ABLIM2: variants seen among roughly 807,000 people sequenced by gnomAD.
The protein encoded by ABLIM2 is actin-binding LIM protein 2.
In ABLIM2, 53 loss-of-function variants were observed where a neutral mutation model predicts 97.7. That is an observed-to-expected ratio of 0.54 (90% CI 0.44 to 0.68). ABLIM2 has a LOEUF of 0.68. ABLIM2 is among the 30% of genes least tolerant of loss of function. ABLIM2 has a pLI of 0.00. For missense variants in ABLIM2, 835 were observed against 867.2 expected (o/e 0.96, Z 0.47); for synonymous variants, 361 against 345.8 (o/e 1.04, Z -0.49).
intron 1 of ABLIM2, among the ~76,000 whole-genome samples, chr4:8,153,058 G>C (rs1713623941): frequency 6.6e-6 from 1 of 152,268 alleles, no homozygotes; most frequent in Admixed American, 6.5e-5. Flanking sequence ...GGGGTTGGTT[G>C]ATGGCATCAG....
At chr4:8,110,980 G>A (rs561106388) in intron 1 of ABLIM2, among the ~76,000 whole-genome samples, 7 of 152,354 alleles carry the variant, frequency 4.6e-5, no homozygotes, top group African/African-American at 1.4e-4. Flanking sequence ...TTGTGAGGAC[G>A]GCTAGGGGGG....
rs1297201892 is a variant in ABLIM2 at position 8,036,286 on chromosome 4, C to G, written c.910G>C (p.Gly304Arg). ...SPSRVIYAKL[G>R]GEILDYRDLA... ...TCCCTGTAGTCCAGGATCTCACCAC[C>G]AAGCTTGGCCTGAGAGGGGAAAGAG... Residue 304 changes from glycine (G) to arginine (R), a missense_variant, in exon 10 of 21, where the codon GGT becomes CGT. By Grantham distance (125) the Gly-to-Arg change is moderately radical. Transcript: ENST00000447017. 5.6e-6 allele frequency: 9 copies of G among 1,613,606 alleles called. No homozygotes were observed. Among genetic ancestry groups the G allele is most frequent in the Non-Finnish European group, 3.4e-6 (4 of 1,179,726 alleles).
intron 9 of ABLIM2, among the ~76,000 whole-genome samples, chr4:8,041,159 G>C (rs1466723834): frequency 2.6e-5 from 4 of 152,252 alleles, no homozygotes; most frequent in Non-Finnish European, 4.4e-5. Flanking sequence ...CCTGGGTCAA[G>C]TGCATGCCCC....
rs1760957977 is a variant in ABLIM2 at position 8,005,883 on chromosome 4, A to C, written c.1618+2176T>G. On this transcript the variant is annotated intron_variant, in intron 16 of 20. Transcript: ENST00000447017. The surrounding 1 kb of genome is among the most constrained non-coding windows in gnomAD (Gnocchi z 4.9). ...AGGACACATATGTCTGTGCTGGAGCAGAATCTCCCCGGGGAATTCATGAGT... is the reference window on the plus strand; with the variant it reads ...AGGACACATATGTCTGTGCTGGAGCCGAATCTCCCCGGGGAATTCATGAGT... Among the ~76,000 whole-genome samples the C allele has an allele frequency of 6.6e-6, 1 of 152,226 alleles. No homozygotes were observed. The highest frequency in any genetic ancestry group is 6.5e-5 in the Admixed American group (1 of 15,284).
Position 8,148,559 on chromosome 4 carries a change from G to C in ABLIM2, c.10+10121C>G, listed in dbSNP as rs545811298. Among the ~76,000 whole-genome samples the C allele has an allele frequency of 6.6e-6, 1 of 152,258 alleles. No individual in the cohort carries two copies. The highest frequency in any genetic ancestry group is 2.1e-4 in the South Asian group (1 of 4,832). ...GTGAAGTGGGAATACTGGTAGTCCC[G>C]AGCAAGGAGCTCTGATGTAAGGATT... On this transcript the variant is annotated intron_variant, in intron 1 of 20. Transcript: ENST00000447017. This position sits in a 1 kb window ranked among gnomAD's most constrained non-coding sequence, Gnocchi z 6.7.
chr4:8,026,449 C>T (rs376879984), intron 12 of ABLIM2, among the ~76,000 whole-genome samples: 2 of 152,234 alleles, frequency 1.3e-5, no homozygotes, highest in South Asian at 2.1e-4. Flanking sequence ...ATGAGGTACA[C>T]GGAGAGGTGT....
intron 16 of ABLIM2, among the ~76,000 whole-genome samples, chr4:7,997,880 CT>C (rs1056106102): frequency 6.6e-6 from 1 of 151,338 alleles, no homozygotes; most frequent in Non-Finnish European, 1.5e-5. Flanking sequence ...TCTTTTTTTT[CT>C]TTTTTTCTTT....
rs1381894500 is a variant in ABLIM2 at position 8,001,661 on chromosome 4, C to G, written c.1618+6398G>C. Among the ~76,000 whole-genome samples, 1 of 152,146 alleles carries G rather than the reference C, an allele frequency of 6.6e-6. No individual in the cohort carries two copies. Among genetic ancestry groups the G allele is most frequent in the African/African-American group, 2.4e-5 (1 of 41,424 alleles). ...TGTGGCCCCAGCTGGCCACTCCTCC[C>G]TAACAGCCTCTGTATAGAGGGACCC... On this transcript the variant is annotated intron_variant, in intron 16 of 20. Coordinates refer to ENST00000447017, the MANE Select transcript of ABLIM2 (RefSeq NM_001130083.2). This position sits in a 1 kb window ranked among gnomAD's most constrained non-coding sequence, Gnocchi z 4.2.
rs949977222 is a variant in ABLIM2, at chr4:8,021,295, C to T, written c.1268-992G>A. Among the ~76,000 whole-genome samples, 39 of 152,196 alleles carry T rather than the reference C, an allele frequency of 2.6e-4. No individual in the cohort carries two copies. Among genetic ancestry groups the T allele is most frequent in the African/African-American group, 8.7e-4 (36 of 41,542 alleles). On this transcript the variant is annotated intron_variant, in intron 12 of 20. Coordinates refer to ENST00000447017, the MANE Select transcript of ABLIM2 (RefSeq NM_001130083.2). This position sits in a 1 kb window ranked among gnomAD's most constrained non-coding sequence, Gnocchi z 5.5. The stretch of plus-strand genomic sequence containing the variant: ...TTATCAAGTCACGCATCCAGAGGGC[C>T]GAGGTGACCTGGGTGACGCCCCTCC...
At chr4:8,000,537 T>C (rs1458978976) in intron 16 of ABLIM2, among the ~76,000 whole-genome samples, 1 of 151,824 alleles carries the variant, frequency 6.6e-6, no homozygotes, top group African/African-American at 2.4e-5. Context: ...CGGGCTGGGA[T>C]TGAATTGTGG....
intron 6 of ABLIM2, among the ~76,000 whole-genome samples, chr4:8,062,460 G>A (rs1031611139): frequency 1.3e-5 from 2 of 150,748 alleles, no homozygotes; most frequent in African/African-American, 4.9e-5. Flanking sequence ...TTTTGAGACG[G>A]AGTCTCACTC....
chr4:7,988,535 T>C (rs1453747250), intron 17 of ABLIM2, among the ~76,000 whole-genome samples: 1 of 152,236 alleles, frequency 6.6e-6, no homozygotes, highest in Non-Finnish European at 1.5e-5. Flanking sequence ...CTAATAGGAA[T>C]TGAGATTATG....
At chr4:8,045,767 C>T (rs1791959927) in intron 8 of ABLIM2, among the ~76,000 whole-genome samples, 1 of 152,156 alleles carries the variant, frequency 6.6e-6, no homozygotes, top group Admixed American at 6.5e-5. Context: ...ACATGGTGGG[C>T]CACATGAGAC....
At chr4:7,976,556 G>A (rs775452498) in intron 20 of ABLIM2, among the ~76,000 whole-genome samples, 2 of 152,106 alleles carry the variant, frequency 1.3e-5, no homozygotes, top group African/African-American at 2.4e-5. Context: ...CTCAGCTTTC[G>A]TATACTTCCT....
At chr4:8,134,456 T>TC (rs1849895310) in intron 1 of ABLIM2, among the ~76,000 whole-genome samples, 1 of 151,966 alleles carries the variant, frequency 6.6e-6, no homozygotes, top group Admixed American at 6.6e-5. Flanking sequence ...CACACACAGC[T>TC]CGGCCCAGCC....
Position 8,032,661 on chromosome 4 carries a change from G to T in ABLIM2, c.1048-2885C>A. 6.2e-7 allele frequency: 1 copy of T among 1,612,598 alleles called. No individual in the cohort carries two copies. ...GGTGGTGGTTACCTCGGTCGGCGTT[G>T]GCGAGAGCAACTGAGGGGACTGTGG... On this transcript the variant is annotated intron_variant, in intron 10 of 20. Coordinates refer to ENST00000447017, the MANE Select transcript of ABLIM2 (RefSeq NM_001130083.2). This position sits in a 1 kb window ranked among gnomAD's most constrained non-coding sequence, Gnocchi z 4.3.
At chr4:8,114,752 T>C (rs1334040249) in intron 1 of ABLIM2, among the ~76,000 whole-genome samples, 1 of 151,836 alleles carries the variant, frequency 6.6e-6, no homozygotes, top group African/African-American at 2.4e-5. Flanking sequence ...GGGCACTCTC[T>C]CCTTGCCAAG....
intron 3 of ABLIM2, among the ~76,000 whole-genome samples, chr4:8,093,483 A>G (rs980140692): frequency 5.3e-5 from 8 of 152,224 alleles, no homozygotes; most frequent in African/African-American, 1.9e-4. Context: ...TTATTCACAT[A>G]CAATGTAATG....
intron 20 of ABLIM2, among the ~76,000 whole-genome samples, chr4:7,973,346 C>T (rs1186266692): frequency 2.6e-5 from 4 of 151,642 alleles, no homozygotes; most frequent in African/African-American, 9.7e-5. Context: ...ACTAAAAATA[C>T]AAAAATTAAC....
Sources: gnomAD v4.1 joint callset for allele counts (sites outside exome capture counted in the v4.1 genomes callset) on GRCh38, gnomAD v4.1.1 for gene constraint, Gnocchi (gnomAD v3.1) non-coding constraint, MANE v1.5 for transcripts, NCBI Gene and HGNC (gene_info 2026-07-23, HGNC 2026-07-21) for gene names.